ZP3: variants seen among roughly 807,000 people sequenced by gnomAD.
ZP3 encodes the protein zona pellucida sperm-binding protein 3.
Under a neutral mutation model 35.6 loss-of-function variants are expected in ZP3, and 21 were observed. The ratio of observed to expected loss-of-function variants is 0.59; its 90% CI spans 0.42 to 0.85. The LOEUF (loss-of-function observed/expected upper bound fraction) is 0.85. Ranked by LOEUF, ZP3 falls within the 40% of genes least tolerant of loss-of-function variation. ZP3 has a pLI of 0.00. For synonymous variants in ZP3, 207 were observed against 214.5 expected, an observed-to-expected ratio of 0.96 and a Z score of 0.31; for missense variants, 437 against 536.5, an observed-to-expected ratio of 0.81 and a Z score of 1.83.
chr7:76,425,843 C>T (rs995660135), intron 1 of ZP3, among the ~76,000 whole-genome samples: 1 of 151,894 alleles, frequency 6.6e-6, no homozygotes, highest in South Asian at 2.1e-4. Context: ...TGGTGGCTCA[C>T]GCCTGTAATT....
chr7:76,408,130 G>C (rs1296445160), intron 1 of ZP3, among the ~76,000 whole-genome samples: 2 of 152,136 alleles, frequency 1.3e-5, no homozygotes, highest in East Asian at 3.9e-4. Context: ...TACACTGAGA[G>C]TGGGACTGGG....
At chr7:76,418,665 G>A (rs1318193034) in intron 1 of ZP3, among the ~76,000 whole-genome samples, 3 of 149,860 alleles carry the variant, frequency 2.0e-5, no homozygotes. Flanking sequence ...GACCATCCCA[G>A]CTAACACGGT....
At position 76,440,265 on chromosome 7, in the gene ZP3, C is replaced by T. The variant is rs149689401; in HGVS notation, c.847C>T (p.His283Tyr). 157 of 1,610,494 alleles carry T rather than the reference C, an allele frequency of 9.7e-5. No homozygotes were observed. In the African/African-American group the frequency reaches 1.8e-3, roughly 19 times the overall value. Residue 283 changes from histidine (H) to tyrosine (Y), a missense_variant, in exon 6 of 8, where the codon CAC becomes TAC. This residue lies in a region of ZP3 where 26 missense variants were observed against 78.2 expected (regional missense o/e 0.33). Coordinates refer to ENST00000394857, the MANE Select transcript of ZP3 (RefSeq NM_001110354.2). ...DSRNMIYITC[H>Y]LKVTLAEQDP... ...TTCCTTGCAGATATACATCACCTGC[C>T]ACCTGAAGGTCACCCTAGCTGAGCA...
intron 1 of ZP3, among the ~76,000 whole-genome samples, chr7:76,428,095 G>A (rs560934795): frequency 6.6e-6 from 1 of 151,946 alleles, no homozygotes; most frequent in South Asian, 2.1e-4. Context: ...GGAGGCTGAG[G>A]CAGGTGGATC....
intron 7 of ZP3, among the ~76,000 whole-genome samples, chr7:76,440,840 G>A (rs1439152781): frequency 6.6e-6 from 1 of 152,022 alleles, no homozygotes; most frequent in Admixed American, 6.6e-5. Context: ...GGCTTCTACT[G>A]AGACATAATT....
intron 1 of ZP3, among the ~76,000 whole-genome samples, chr7:76,416,711 G>A (rs141332280): frequency 0.013 from 1,977 of 151,636 alleles, 23 homozygotes; most frequent in Non-Finnish European, 0.021. Flanking sequence ...AGATGGGAGA[G>A]TCGCTTAAGC....
At position 76,433,596 on chromosome 7, in the gene ZP3, C is replaced by A. The variant is rs139729790; in HGVS notation, c.662C>A (p.Pro221Gln). The change falls in exon 4 of 8, where the codon CCG becomes CAG. Residue 221 changes from proline (P) to glutamine (Q), a missense_variant. Pro to Gln is a moderately conservative substitution (Grantham distance 76). Transcript: ENST00000394857. ...RLFVDHCVAT[P>Q]TPDQNASPYH... is the part of the protein sequence containing the mutation. Reference sequence around the variant, plus strand: ...TTTGTGGACCACTGCGTGGCCACACCGACACCAGACCAGAATGCCTCCCCT... The same window carrying A: ...TTTGTGGACCACTGCGTGGCCACACAGACACCAGACCAGAATGCCTCCCCT... The A allele has an allele frequency of 6.2e-7, 1 of 1,613,910 alleles. No individual in the cohort carries two copies. Among genetic ancestry groups the A allele is most frequent in the Non-Finnish European group, 8.5e-7 (1 of 1,179,954 alleles).
Position 76,425,110 on chromosome 7 carries a change from C to G in ZP3, c.146C>G (p.Ala49Gly), listed in dbSNP as rs570702038. The change falls in exon 1 of 8, where the codon GCC becomes GGC. Residue 49 changes from alanine (A) to glycine (G), a missense_variant. This residue lies in a region of ZP3 where 352 missense variants were observed against 308.4 expected (regional missense o/e 1.14). Transcript: ENST00000394857. ...CCCGTACTGGTGGAGTGTCAGGAGG[C>G]CACTCTGATGGTCATGGTCAGCAAA... ...VQPVLVECQE[A>G]TLMVMVSKDL... 6.2e-7 allele frequency: 1 copy of G among 1,613,904 alleles called. No homozygotes were observed. Among genetic ancestry groups the G allele is most frequent in the East Asian group, 2.2e-5 (1 of 44,872 alleles).
intron 1 of ZP3, among the ~76,000 whole-genome samples, chr7:76,426,713 G>GT (rs1455472470): frequency 6.6e-6 from 1 of 151,830 alleles, no homozygotes; most frequent in Non-Finnish European, 1.5e-5. Context: ...TTTTGTTGTT[G>GT]TTTTTGTTTT....
chr7:76,416,814 C>G (rs1019099), intron 1 of ZP3, among the ~76,000 whole-genome samples: 1 of 131,724 alleles, frequency 7.6e-6, no homozygotes, highest in Non-Finnish European at 1.6e-5. Context: ...CTCTCTCTCT[C>G]TCTATATATA....
chr7:76,420,894 T>C (rs1805488050), upstream of ZP3, among the ~76,000 whole-genome samples: 1 of 148,788 alleles, frequency 6.7e-6, no homozygotes, highest in Non-Finnish European at 1.5e-5. Context: ...TACACATACA[T>C]ATATATTTCC....
rs572107018 is a variant in ZP3, at chr7:76,440,863, G to A, written c.1060+252G>A. Among the ~76,000 whole-genome samples, 675 of 152,126 alleles carry A rather than the reference G, an allele frequency of 4.4e-3. 8 individuals are homozygous for A. Among genetic ancestry groups the A allele is most frequent in the African/African-American group, 0.016 (650 of 41,506 alleles). On this transcript the variant is annotated intron_variant, in intron 7 of 7. Coordinates refer to ENST00000394857, the MANE Select transcript of ZP3 (RefSeq NM_001110354.2). ...CTGAGACATAATTAGGCATGTAGGGGAAATATAGCAGTTGTTAAGATAATC... is the reference window on the plus strand; with the variant it reads ...CTGAGACATAATTAGGCATGTAGGGAAAATATAGCAGTTGTTAAGATAATC...
chr7:76,433,495 C>T lies in ZP3; in HGVS notation c.561C>T (p.Ser187=), dbSNP rs766107926. ...AGAACTGGAACGCTGAGAAGAGGTC[C>T]CCCACCTTCCACCTGGGAGATGCAG... ...MEENWNAEKR[S]PTFHLGDAAH... is the part of the protein sequence containing the mutation. The change falls in exon 4 of 8, where the codon TCC becomes TCT. Residue 187 remains serine, a synonymous_variant. Transcript: ENST00000394857. 4 of 1,613,614 alleles carry T rather than the reference C, an allele frequency of 2.5e-6. No homozygotes were observed. The South Asian group carries it at 3.3e-5, about 13-fold the overall frequency.
At chr7:76,419,415 TTC>T (rs1805452665) in intron 1 of ZP3, among the ~76,000 whole-genome samples, 1 of 152,194 alleles carries the variant, frequency 6.6e-6, no homozygotes, top group African/African-American at 2.4e-5. Context: ...ACAGCTCCTT[TTC>T]TTGAAGAGTC....
rs532787028 is a variant in ZP3 at position 76,418,722 on chromosome 7, G to A, written c.-66-6330G>A. 5.4e-3 allele frequency among the ~76,000 whole-genome samples: 822 copies of A among 152,020 alleles called. 4 individuals carry two copies. Among genetic ancestry groups the A allele is most frequent in the Non-Finnish European group, 8.9e-3 (607 of 67,992 alleles). ...ATACAAAAAATTAGCCGGGCGTGGT[G>A]GCAGGCGCCTATAGTCCCAGCTACT... is the stretch of plus-strand genomic sequence containing the variant. On this transcript the variant is annotated intron_variant, in intron 1 of 8. Coordinates refer to the ZP3 transcript ENST00000336517.
intron 1 of ZP3, among the ~76,000 whole-genome samples, chr7:76,411,438 G>A (rs575807241): frequency 2.6e-5 from 4 of 152,140 alleles, no homozygotes; most frequent in East Asian, 1.9e-4. Context: ...ATGATGGTGC[G>A]CACTGGGCTG....
intron 1 of ZP3, chr7:76,400,330 A>ATCT: frequency 2.7e-6 from 4 of 1,504,526 alleles, no homozygotes; most frequent in Admixed American, 4.4e-5. Context: ...GCAATTGTGG[A>ATCT]CGCCCCAGCC....
chr7:76,398,633 G>A (rs1804717248), intron 1 of ZP3: 1 of 1,409,466 alleles, frequency 7.1e-7, no homozygotes, highest in South Asian at 1.2e-5. Context: ...TCTTCAATTT[G>A]TAATCCCTGT....
At position 76,429,617 on chromosome 7, in the gene ZP3, G is replaced by A. The variant is rs1353676969; in HGVS notation, c.415G>A (p.Glu139Lys). 16 of 1,613,876 alleles carry A rather than the reference G, an allele frequency of 9.9e-6. No homozygotes were observed. Among genetic ancestry groups the A allele is most frequent in the Non-Finnish European group, 1.2e-5 (14 of 1,179,948 alleles). Residue 139 changes from glutamate (E) to lysine (K), a missense_variant, in exon 2 of 8, where the codon GAG (glutamate) becomes AAG (lysine). By Grantham distance (56) the Glu-to-Lys change is moderately conservative. Transcript: ENST00000394857. ...GACTAACCGCGCAGAGATTCCCATC[G>A]AGTGCCGCTACCCCAGGTCGGTGTG... ...VRTNRAEIPI[E>K]CRYPRQGNVS...
Sources: gnomAD v4.1 joint callset for allele counts (sites outside exome capture counted in the v4.1 genomes callset) on GRCh38, gnomAD v4.1.1 for gene constraint, gnomAD v4.1.1 regional missense constraint, MANE v1.5 for transcripts, NCBI Gene and HGNC (gene_info 2026-07-23, HGNC 2026-07-21) for gene names.